Variants in NALF1 observed in about 807,000 individuals in gnomAD.
The protein encoded by NALF1 is NALCN channel auxiliary factor 1.
A neutral mutation model predicts 48.4 loss-of-function variants in NALF1; 3 were observed. That is an observed-to-expected ratio of 0.06 (90% CI 0.03 to 0.16). The LOEUF (loss-of-function observed/expected upper bound fraction) is 0.16. Among genes scored for constraint, NALF1 ranks in the 10% least tolerant of loss-of-function variants. The pLI is 1.00. For synonymous variants in NALF1, 262 were observed against 245.7 expected (o/e 1.07, Z -0.62); for missense variants, 526 against 571.5 (o/e 0.92, Z 0.81).
intron 1 of NALF1, among the ~76,000 whole-genome samples, chr13:107,235,839 T>G (rs889390856): frequency 2.6e-5 from 4 of 152,198 alleles, no homozygotes; most frequent in African/African-American, 9.6e-5. Flanking sequence ...TGGTGGTGAT[T>G]GATATGATTC....
chr13:107,679,739 A>T (rs1420255969), intron 1 of NALF1, among the ~76,000 whole-genome samples: 1 of 152,062 alleles, frequency 6.6e-6, no homozygotes, highest in Admixed American at 6.5e-5. Context: ...CCATTTTTAC[A>T]ACACCAAGCA....
At chr13:107,357,831 A>G (rs1420625014) in intron 1 of NALF1, among the ~76,000 whole-genome samples, 1 of 152,154 alleles carries the variant, frequency 6.6e-6, no homozygotes, top group African/African-American at 2.4e-5. Flanking sequence ...ACGTTAGTTT[A>G]ATGAATCATT....
chr13:107,772,589 T>C (rs1566476003), intron 1 of NALF1, among the ~76,000 whole-genome samples: 1 of 152,142 alleles, frequency 6.6e-6, no homozygotes, highest in Non-Finnish European at 1.5e-5. Context: ...AGGTAATATA[T>C]CAGTAAAAGC....
chr13:107,436,407 A>G (rs12100314), intron 1 of NALF1, among the ~76,000 whole-genome samples: 34,503 of 152,082 alleles, frequency 0.23, 4,334 homozygotes, highest in East Asian at 0.3. Flanking sequence ...TTAATATTTG[A>G]AAACAAATCT....
intron 1 of NALF1, among the ~76,000 whole-genome samples, chr13:107,414,187 T>G (rs1480034533): frequency 2.0e-5 from 3 of 149,348 alleles, no homozygotes; most frequent in Non-Finnish European, 4.5e-5. Flanking sequence ...CTTCTCTTAT[T>G]GAAAATAATT....
intron 1 of NALF1, among the ~76,000 whole-genome samples, chr13:107,309,484 A>C (rs987843081): frequency 7.2e-5 from 11 of 152,238 alleles, no homozygotes; most frequent in Non-Finnish European, 1.5e-4. Context: ...CAGGCAAGAA[A>C]AGTCAGAGTT....
At chr13:107,635,238 G>A (rs1879942967) in intron 1 of NALF1, among the ~76,000 whole-genome samples, 1 of 152,030 alleles carries the variant, frequency 6.6e-6, no homozygotes, top group Non-Finnish European at 1.5e-5. Context: ...AATTTATAAA[G>A]GAAAGGGGTT....
chr13:107,777,208 G>C (rs1261082034), intron 1 of NALF1, among the ~76,000 whole-genome samples: 2 of 152,122 alleles, frequency 1.3e-5, no homozygotes, highest in African/African-American at 2.4e-5. Flanking sequence ...TCATGAGGAA[G>C]ATTTTATTAT....
intron 1 of NALF1, among the ~76,000 whole-genome samples, chr13:107,265,299 T>A (rs1418964370): frequency 6.6e-6 from 1 of 152,234 alleles, no homozygotes; most frequent in Non-Finnish European, 1.5e-5. Flanking sequence ...ATTACAGAAT[T>A]TGGTTATTAT....
At chr13:107,473,215 G>A (rs1885128061) in intron 1 of NALF1, among the ~76,000 whole-genome samples, 1 of 152,154 alleles carries the variant, frequency 6.6e-6, no homozygotes, top group Admixed American at 6.5e-5. Flanking sequence ...TTTTTCATGA[G>A]TGTAGGTCTA....
intron 1 of NALF1, among the ~76,000 whole-genome samples, chr13:107,662,075 A>T (rs1880746743): frequency 6.6e-6 from 1 of 152,184 alleles, no homozygotes; most frequent in African/African-American, 2.4e-5. Flanking sequence ...CAGCAGAAAA[A>T]GCTCTATTTT....
At chr13:107,639,709 C>T (rs1355648082) in intron 1 of NALF1, among the ~76,000 whole-genome samples, 1 of 151,630 alleles carries the variant, frequency 6.6e-6, no homozygotes, top group South Asian at 2.1e-4. Context: ...CAAACACTGA[C>T]AAAGAGCAAG....
intron 1 of NALF1, among the ~76,000 whole-genome samples, chr13:107,630,487 T>C (rs892876281): frequency 6.6e-6 from 1 of 152,134 alleles, no homozygotes; most frequent in Non-Finnish European, 1.5e-5. Flanking sequence ...AAAAGTCATC[T>C]TTGTACAAAT....
rs1481600137 is a variant in NALF1, at chr13:107,169,485, T to A, written c.*1012A>T. ...CTATATTACTGCAACAGAACAAAAATCACAATGAAAGCCCACCTTCATTGT... is the reference window on the plus strand; with the variant it reads ...CTATATTACTGCAACAGAACAAAAAACACAATGAAAGCCCACCTTCATTGT... On this transcript the variant is annotated 3_prime_UTR_variant, in exon 3 of 3. Transcript: ENST00000375915. 1 of 152,114 alleles carries A rather than the reference T, an allele frequency of 6.6e-6. No homozygotes were observed. Among genetic ancestry groups the A allele is most frequent in the Non-Finnish European group, 1.5e-5 (1 of 68,032 alleles). 9.4% of individuals were successfully genotyped at this position (152,114 alleles called of 1,614,324 possible).
At chr13:107,183,069 G>A (rs1437644997) in intron 2 of NALF1, among the ~76,000 whole-genome samples, 1 of 152,164 alleles carries the variant, frequency 6.6e-6, no homozygotes, top group African/African-American at 2.4e-5. Context: ...ATTCATCCCT[G>A]CTTCCTGCCA....
Position 107,645,881 on chromosome 13 carries a change from A to G in NALF1, c.915+219801T>C, listed in dbSNP as rs575711249. On this transcript the variant is annotated intron_variant, in intron 1 of 2. Coordinates refer to ENST00000375915, the MANE Select transcript of NALF1 (RefSeq NM_001080396.3). ...TTCCCGAGTATCATAGCAAAATTCA[A>G]TTCCAGGTTTTTGCTCCCAAACTCC... Among the ~76,000 whole-genome samples, 9 of 152,194 alleles carry G rather than the reference A, an allele frequency of 5.9e-5. No homozygotes were observed. In the South Asian group the frequency reaches 8.3e-4, roughly 14 times the overall value.
intron 1 of NALF1, among the ~76,000 whole-genome samples, chr13:107,322,962 C>A (rs1882285522): frequency 6.6e-6 from 1 of 152,096 alleles, no homozygotes; most frequent in African/African-American, 2.4e-5. Flanking sequence ...CCTGGATATA[C>A]CCAGAGCTTT....
At chr13:107,725,846 A>C (rs953507129) in intron 1 of NALF1, among the ~76,000 whole-genome samples, 4 of 152,218 alleles carry the variant, frequency 2.6e-5, no homozygotes, top group African/African-American at 9.6e-5. Context: ...GATTACAAGG[A>C]AATTCAACCG....
intron 1 of NALF1, among the ~76,000 whole-genome samples, chr13:107,739,827 CAG>C (rs975806677): frequency 3.3e-5 from 5 of 152,148 alleles, no homozygotes; most frequent in Non-Finnish European, 7.4e-5. Flanking sequence ...GTGGCAGCAT[CAG>C]ATGCACATAG....
Sources: gnomAD v4.1 joint callset for allele counts (sites outside exome capture counted in the v4.1 genomes callset) on GRCh38, gnomAD v4.1.1 for gene constraint, MANE v1.5 for transcripts, NCBI Gene and HGNC (gene_info 2026-07-23, HGNC 2026-07-21) for gene names.